The following GPHN variants were observed in gnomAD, a reference collection of about 807,000 sequenced individuals.
GPHN encodes the protein gephyrin.
In GPHN, 17 loss-of-function variants were observed where a neutral mutation model predicts 95.5. The ratio of observed to expected loss-of-function variants is 0.18; its 90% CI spans 0.12 to 0.27. GPHN has a LOEUF of 0.27. Ranked by LOEUF, GPHN falls within the 10% of genes least tolerant of loss-of-function variation. The pLI is 1.00. For synonymous variants in GPHN, 320 were observed against 322.5 expected, an observed-to-expected ratio of 0.99 and a Z score of 0.08; for missense variants, 660 against 978.1, an observed-to-expected ratio of 0.67 and a Z score of 4.34.
intron 10 of GPHN, among the ~76,000 whole-genome samples, chr14:67,025,830 C>A (rs2153627882): frequency 6.6e-6 from 1 of 152,280 alleles, no homozygotes; most frequent in East Asian, 1.9e-4. Context: ...TTAACCAAGT[C>A]CTTAGAAACT....
At chr14:67,030,845 T>G (rs1190955209) in intron 10 of GPHN, among the ~76,000 whole-genome samples, 1 of 152,200 alleles carries the variant, frequency 6.6e-6, no homozygotes, top group East Asian at 1.9e-4. Context: ...AAGAGTTGAT[T>G]GGATGACTGC....
At chr14:66,756,855 T>A (rs1481378282) in intron 2 of GPHN, among the ~76,000 whole-genome samples, 1 of 152,198 alleles carries the variant, frequency 6.6e-6, no homozygotes, top group Admixed American at 6.5e-5. Context: ...TTTATTTAAG[T>A]CTGAATCATG....
intron 5 of GPHN, among the ~76,000 whole-genome samples, chr14:66,895,611 C>T (rs936402793): frequency 2.6e-5 from 4 of 152,044 alleles, no homozygotes; most frequent in Non-Finnish European, 5.9e-5. Context: ...TAGAATAATA[C>T]TTTCAATGTG....
chr14:66,676,834 A>G (rs1298539407), intron 1 of GPHN, among the ~76,000 whole-genome samples: 1 of 152,086 alleles, frequency 6.6e-6, no homozygotes, highest in East Asian at 1.9e-4. Context: ...ACCTCGTAGA[A>G]TGAATTAGGA....
chr14:67,433,262 C>T, the GPHN span, among the ~76,000 whole-genome samples: 9 of 151,982 alleles, frequency 5.9e-5, no homozygotes, highest in Admixed American at 5.3e-4. Context: ...GAAGTATATA[C>T]CATGGTAGCT....
At chr14:67,081,288 T>G (rs1370956071) in intron 11 of GPHN, among the ~76,000 whole-genome samples, 2 of 152,246 alleles carry the variant, frequency 1.3e-5, no homozygotes, top group African/African-American at 4.8e-5. Flanking sequence ...CTTTTATTTT[T>G]TCATTATGGC....
At chr14:66,994,719 T>C (rs2071668855) in intron 9 of GPHN, among the ~76,000 whole-genome samples, 1 of 152,250 alleles carries the variant, frequency 6.6e-6, no homozygotes, top group Non-Finnish European at 1.5e-5. Flanking sequence ...AAGATTTTCT[T>C]AGAACTAGCA....
the GPHN span, chr14:67,611,019 C>T: frequency 1.3e-5 from 2 of 156,278 alleles, no homozygotes; most frequent in East Asian, 1.9e-4. Flanking sequence ...GCTGCTGGAG[C>T]CGTACCTGAT....
At chr14:67,275,824 C>T in the GPHN span, among the ~76,000 whole-genome samples, 7 of 152,154 alleles carry the variant, frequency 4.6e-5, no homozygotes, top group Middle Eastern at 6.8e-3. Context: ...TTCAGGGATT[C>T]GACTTCTTCC....
intron 17 of GPHN, among the ~76,000 whole-genome samples, chr14:67,141,016 T>G (rs1186713651): frequency 6.6e-6 from 1 of 152,174 alleles, no homozygotes; most frequent in Non-Finnish European, 1.5e-5. Flanking sequence ...TACACATAGA[T>G]TCTACCTTCA....
At chr14:67,563,101 G>A in the GPHN span, among the ~76,000 whole-genome samples, 1 of 152,232 alleles carries the variant, frequency 6.6e-6, no homozygotes, top group South Asian at 2.1e-4. Flanking sequence ...GCGGTTGGCT[G>A]TCATTTCCTG....
the GPHN span, chr14:67,693,075 C>A: frequency 6.5e-7 from 1 of 1,535,534 alleles, no homozygotes; most frequent in South Asian, 1.1e-5. Context: ...AAGGAGAGCT[C>A]ATCAATTCTT....
intron 1 of GPHN, among the ~76,000 whole-genome samples, chr14:66,517,663 A>C (rs766730688): frequency 6.6e-6 from 1 of 152,208 alleles, no homozygotes; most frequent in Non-Finnish European, 1.5e-5. Flanking sequence ...CTGAGTTTTG[A>C]GAAAGGTCCC....
chr14:66,876,957 A>G (rs1000970158), intron 4 of GPHN, among the ~76,000 whole-genome samples: 5 of 152,094 alleles, frequency 3.3e-5, no homozygotes, highest in African/African-American at 1.2e-4. Flanking sequence ...ATTTCAGGCC[A>G]ATATCCCCGA....
chr14:67,335,186 G>A, the GPHN span: 1 of 152,214 alleles, frequency 6.6e-6, no homozygotes, highest in African/African-American at 2.4e-5. Context: ...AGCAATGGTA[G>A]ATAGAAATGT....
At chr14:66,989,737 G>A (rs1221045085) in intron 9 of GPHN, among the ~76,000 whole-genome samples, 1 of 150,448 alleles carries the variant, frequency 6.6e-6, no homozygotes, top group Non-Finnish European at 1.5e-5. Flanking sequence ...CAAATCAATT[G>A]CTTAGCTGAA....
At chr14:66,701,884 CA>C (rs2068588405) in intron 2 of GPHN, among the ~76,000 whole-genome samples, 1 of 152,310 alleles carries the variant, frequency 6.6e-6, no homozygotes, top group Non-Finnish European at 1.5e-5. Context: ...GACTGCCTAG[CA>C]TGCTAAGCTC....
At chr14:67,579,587 C>G in the GPHN span, 2 of 882,644 alleles carry the variant, frequency 2.3e-6, no homozygotes, top group Non-Finnish European at 1.7e-6. Flanking sequence ...CCTGTGAACA[C>G]AGAAACCAAC....
chr14:67,452,939 T>C, the GPHN span, among the ~76,000 whole-genome samples: 1 of 152,190 alleles, frequency 6.6e-6, no homozygotes, highest in South Asian at 2.1e-4. Context: ...CCTCCAACCC[T>C]AGCCATGCTA....
Sources: gnomAD v4.1 joint callset for allele counts (sites outside exome capture counted in the v4.1 genomes callset) on GRCh38, gnomAD v4.1.1 for gene constraint, MANE v1.5 for transcripts, NCBI Gene and HGNC (gene_info 2026-07-23, HGNC 2026-07-21) for gene names.